NFIX: variants seen among roughly 807,000 people sequenced by gnomAD.
NFIX encodes nuclear factor I X.
A neutral mutation model predicts 53.3 loss-of-function variants in NFIX; 2 were observed. The ratio of observed to expected loss-of-function variants is 0.04; its 90% CI spans 0.02 to 0.12. NFIX has a LOEUF of 0.12. Ranked by LOEUF, NFIX falls within the 10% of genes least tolerant of loss-of-function variation. The pLI is 1.00. For missense variants in NFIX, 310 were observed against 674.5 expected (o/e 0.46, Z 5.99); for synonymous variants, 244 against 289.0 (o/e 0.84, Z 1.58).
rs1805008060 is a variant in NFIX at position 13,097,950 on chromosome 19, C to G, written c.*3301C>G. On this transcript the variant is annotated 3_prime_UTR_variant, in exon 11 of 11. Coordinates refer to ENST00000592199, the MANE Select transcript of NFIX (RefSeq NM_001365902.3). Reference sequence around the variant, plus strand: ...ACAGGTCGATTTGCCCAGGCCCGCGCCCGCACGCACGCACGCACACGGCCC... The same window carrying G: ...ACAGGTCGATTTGCCCAGGCCCGCGGCCGCACGCACGCACGCACACGGCCC... 6.5e-6 allele frequency: 1 copy of G among 154,638 alleles called. No individual in the cohort carries two copies. The highest frequency in any genetic ancestry group is 2.4e-5 in the African/African-American group (1 of 41,468). The allele number at this position is 154,638 out of a possible 1,614,324, so 9.6% of individuals were successfully genotyped here. A position where few individuals can be genotyped will look rare whatever the true frequency, so the allele number is the denominator to read the frequency against.
At position 13,073,117 on chromosome 19, in the gene NFIX, C is replaced by T. The variant is rs766562818; in HGVS notation, c.622+8C>T. On this transcript the variant is annotated splice_region_variant and intron_variant, in intron 3 of 10. Transcript: ENST00000592199. This position sits in a 1 kb window ranked among gnomAD's most constrained non-coding sequence, Gnocchi z 4.5. ...TCAAACCACTGCCCAACGGTCAGTG[C>T]CCCCCACCTGCCCAGCTGCCCTTAT... The T allele has an allele frequency of 3.7e-6, 6 of 1,612,888 alleles. No homozygotes were observed. The highest frequency in any genetic ancestry group is 5.1e-6 in the Non-Finnish European group (6 of 1,178,868).
rs981005097 is a variant in NFIX at position 13,051,108 on chromosome 19, C to T, written c.560-21939C>T. 3.9e-5 allele frequency among the ~76,000 whole-genome samples: 6 copies of T among 152,178 alleles called. No homozygotes were observed. The highest frequency in any genetic ancestry group is 1.9e-4 in the East Asian group (1 of 5,190). On this transcript the variant is annotated intron_variant, in intron 2 of 10. Transcript: ENST00000592199. This position sits in a 1 kb window ranked among gnomAD's most constrained non-coding sequence, Gnocchi z 5.1. ...CAGGAGGATAGTAGCAGGGGAGCCACGGAGTAGCTGCCCCATGGCTTGGGT... is the reference window on the plus strand; with the variant it reads ...CAGGAGGATAGTAGCAGGGGAGCCATGGAGTAGCTGCCCCATGGCTTGGGT...
chr19:13,018,342 G>A (rs1004424739), intron 1 of NFIX, among the ~76,000 whole-genome samples: 2 of 117,774 alleles, frequency 1.7e-5, no homozygotes, highest in African/African-American at 2.9e-5. Context: ...GGGCGGGGGG[G>A]GGGGGGGGGC....
At chr19:13,069,060 A>G (rs1438458404) in intron 2 of NFIX, among the ~76,000 whole-genome samples, 1 of 152,256 alleles carries the variant, frequency 6.6e-6, no homozygotes, top group Non-Finnish European at 1.5e-5. Context: ...GAAGCAGCTA[A>G]GAGCACAGAA....
In NFIX at chr19:13,049,679, T is replaced by C. The variant is rs1290531304; in HGVS notation, c.560-23368T>C. Among the ~76,000 whole-genome samples, 1 of 151,696 alleles carries C rather than the reference T, an allele frequency of 6.6e-6. No homozygotes were observed. Among genetic ancestry groups the C allele is most frequent in the Non-Finnish European group, 1.5e-5 (1 of 67,932 alleles). ...CGCGATCTCTGCTCACTGCAACCTC[T>C]GCCTCCTGGGTTCAAGCGATTCTTC... On this transcript the variant is annotated intron_variant, in intron 2 of 10. Coordinates refer to ENST00000592199, the MANE Select transcript of NFIX (RefSeq NM_001365902.3). The surrounding 1 kb of genome is among the most constrained non-coding windows in gnomAD (Gnocchi z 4.5).
intron 2 of NFIX, among the ~76,000 whole-genome samples, chr19:13,048,482 T>A (rs2145304511): frequency 6.7e-6 from 1 of 150,046 alleles, no homozygotes; most frequent in East Asian, 1.9e-4. Flanking sequence ...CTCTCTGTTG[T>A]ATTTTTTTTT....
At position 12,998,042 on chromosome 19, in the gene NFIX, A is replaced by G. The variant is rs1248460149; in HGVS notation, c.27+2178A>G. 1.3e-5 allele frequency among the ~76,000 whole-genome samples: 2 copies of G among 151,982 alleles called. No homozygotes were observed. Among genetic ancestry groups the G allele is most frequent in the East Asian group, 1.9e-4 (1 of 5,154 alleles). On this transcript the variant is annotated intron_variant, in intron 1 of 10. Transcript: ENST00000592199. This position sits in a 1 kb window ranked among gnomAD's most constrained non-coding sequence, Gnocchi z 4.4. ...GGGTCTGGCCTGCCCCTCCCTAACA[A>G]TCACATCTCTGTTTTTACAAATCTT...
At chr19:13,030,387 GCTGTGAT>G (rs2013708623) in intron 2 of NFIX, among the ~76,000 whole-genome samples, 1 of 152,220 alleles carries the variant, frequency 6.6e-6, no homozygotes, top group Admixed American at 6.5e-5. Context: ...GACGGCAGCT[GCTGTGAT>G]TGAGGACAAT....
rs1433990546 is a variant in NFIX at position 13,020,101 on chromosome 19, A to AT, written c.28-4914dup. On this transcript the variant is annotated intron_variant, in intron 1 of 10. Transcript: ENST00000592199. ...GGAGAAGCCTTGAATCGTATGAGGG[A>AT]TTTTTTGTCTTGATTCTGGTCTTTG... Among the ~76,000 whole-genome samples, 12 of 152,024 alleles carry AT rather than the reference A, an allele frequency of 7.9e-5. 1 individual carries two copies. The highest frequency in any genetic ancestry group is 2.2e-4 in the African/African-American group (9 of 41,462).
In NFIX at chr19:13,049,635, C is replaced by G. The variant is rs1437951666; in HGVS notation, c.560-23412C>G. On this transcript the variant is annotated intron_variant, in intron 2 of 10. Transcript: ENST00000592199. The surrounding 1 kb of genome is among the most constrained non-coding windows in gnomAD (Gnocchi z 4.5). ...TTGAGACAGAGTCTTACTCTGTCGC[C>G]CAGGCTGGAGTGCAGTGGCGCGATC... 6.6e-6 allele frequency among the ~76,000 whole-genome samples: 1 copy of G among 151,742 alleles called. No individual in the cohort carries two copies. The highest frequency in any genetic ancestry group is 1.5e-5 in the Non-Finnish European group (1 of 67,936).
At chr19:13,044,925 A>G (rs2014887222) in intron 2 of NFIX, among the ~76,000 whole-genome samples, 1 of 152,110 alleles carries the variant, frequency 6.6e-6, no homozygotes, top group African/African-American at 2.4e-5. Context: ...GGCTAAGGAG[A>G]TCTGGGACAA....
chr19:13,091,377 T>G (rs2018126346), intron 10 of NFIX, among the ~76,000 whole-genome samples: 1 of 147,936 alleles, frequency 6.8e-6, no homozygotes. Context: ...TGTTTTTTTT[T>G]TTTTCTTTTC....
rs1189202939 is a variant in NFIX at position 13,088,420 on chromosome 19, G to A, written c.1402+284G>A. Among the ~76,000 whole-genome samples, 1 of 152,042 alleles carries A rather than the reference G, an allele frequency of 6.6e-6. No individual in the cohort carries two copies. The highest frequency in any genetic ancestry group is 1.5e-5 in the Non-Finnish European group (1 of 67,990). On this transcript the variant is annotated intron_variant, in intron 9 of 10. Transcript: ENST00000592199. This position sits in a 1 kb window ranked among gnomAD's most constrained non-coding sequence, Gnocchi z 5.9. ...GGGAGAGCACAGCTGGGGCGCGCAGGCCAGGGGTGCTGGCGGGGGTGGGAG... is the reference window on the plus strand; with the variant it reads ...GGGAGAGCACAGCTGGGGCGCGCAGACCAGGGGTGCTGGCGGGGGTGGGAG...
chr19:13,033,755 G>T (rs1315350579), intron 2 of NFIX, among the ~76,000 whole-genome samples: 2 of 152,200 alleles, frequency 1.3e-5, no homozygotes, highest in Non-Finnish European at 2.9e-5. Context: ...CTCCTGGCTG[G>T]GTGTGTGTGC....
At position 13,001,434 on chromosome 19, in the gene NFIX, C is replaced by T. The variant is rs1004034851; in HGVS notation, c.27+5570C>T. Among the ~76,000 whole-genome samples the T allele has an allele frequency of 3.3e-5, 5 of 151,594 alleles. No homozygotes were observed. Among genetic ancestry groups the T allele is most frequent in the Admixed American group, 6.6e-5 (1 of 15,234 alleles). ...CGTGCCACCATGCGTGTCAGTGTGC[C>T]GGATGTAGTCTCTGTGTCACGGTGG... is the stretch of plus-strand genomic sequence containing the variant. On this transcript the variant is annotated intron_variant, in intron 1 of 10. Transcript: ENST00000592199. The surrounding 1 kb of genome is among the most constrained non-coding windows in gnomAD (Gnocchi z 6.5).
chr19:13,076,229 G>C (rs890365283), intron 6 of NFIX, among the ~76,000 whole-genome samples: 7 of 152,212 alleles, frequency 4.6e-5, no homozygotes, highest in African/African-American at 1.7e-4. Context: ...CAAGGGCCCA[G>C]CTTCACAGAG....
At chr19:13,064,657 C>A (rs1364164361) in intron 2 of NFIX, among the ~76,000 whole-genome samples, 1 of 152,174 alleles carries the variant, frequency 6.6e-6, no homozygotes, top group African/African-American at 2.4e-5. Context: ...TGGCAGTGGT[C>A]CCTGGGTCAA....
chr19:13,067,003 C>G lies in NFIX; in HGVS notation c.560-6044C>G, dbSNP rs909525207. On this transcript the variant is annotated intron_variant, in intron 2 of 10. Transcript: ENST00000592199. This position sits in a 1 kb window ranked among gnomAD's most constrained non-coding sequence, Gnocchi z 4.2. ...TCCACCGTTCCCCTCCTCAGGGTGT[C>G]TCAGATTCTCAGACTTCAGTTTCAG... Among the ~76,000 whole-genome samples the G allele has an allele frequency of 6.6e-6, 1 of 152,190 alleles. No individual in the cohort carries two copies. Among genetic ancestry groups the G allele is most frequent in the African/African-American group, 2.4e-5 (1 of 41,448 alleles).
chr19:13,086,443 AAT>A (rs2017784411), intron 8 of NFIX, among the ~76,000 whole-genome samples: 1 of 152,178 alleles, frequency 6.6e-6, no homozygotes, highest in Non-Finnish European at 1.5e-5. Context: ...TAAACCATTT[AAT>A]GGCCCAGAGC....
Sources: gnomAD v4.1 joint callset for allele counts (sites outside exome capture counted in the v4.1 genomes callset) on GRCh38, gnomAD v4.1.1 for gene constraint, Gnocchi (gnomAD v3.1) non-coding constraint, MANE v1.5 for transcripts, NCBI Gene and HGNC (gene_info 2026-07-23, HGNC 2026-07-21) for gene names.